Variants in SYN3 observed in about 807,000 individuals in gnomAD.
SYN3 encodes synapsin-3.
In SYN3, 35 loss-of-function variants were observed where a neutral mutation model predicts 65.8. That is an observed-to-expected ratio of 0.53 (90% CI 0.41 to 0.70). SYN3 has a LOEUF of 0.70. SYN3 is among the 30% of genes least tolerant of loss of function. The pLI is 0.00. For missense variants in SYN3, 680 were observed against 749.0 expected (o/e 0.91, Z 1.08); for synonymous variants, 270 against 292.9 (o/e 0.92, Z 0.80).
At chr22:32,878,159 A>G (rs980894325) in intron 4 of SYN3, among the ~76,000 whole-genome samples, 2 of 152,112 alleles carry the variant, frequency 1.3e-5, no homozygotes, top group African/African-American at 4.8e-5. Context: ...TGAACCTCTC[A>G]TCATCACCTC....
intron 6 of SYN3, among the ~76,000 whole-genome samples, chr22:32,855,949 T>G (rs1021897295): frequency 5.9e-5 from 9 of 152,354 alleles, no homozygotes; most frequent in East Asian, 5.8e-4. Flanking sequence ...TACATTTATG[T>G]GCTTCATCTG....
chr22:32,663,309 T>C (rs113058498), intron 6 of SYN3, among the ~76,000 whole-genome samples: 24 of 96,106 alleles, frequency 2.5e-4, no homozygotes, highest in East Asian at 2.2e-3. Context: ...TTTCTTCTCT[T>C]TTTTTTTTTT....
chr22:32,883,545 C>T (rs2049202982), intron 4 of SYN3, among the ~76,000 whole-genome samples: 1 of 152,210 alleles, frequency 6.6e-6, no homozygotes, highest in Non-Finnish European at 1.5e-5. Flanking sequence ...AAAACTAGTT[C>T]TTCCTCCTCT....
intron 6 of SYN3, among the ~76,000 whole-genome samples, chr22:32,691,930 T>A (rs1173505192): frequency 1.3e-5 from 2 of 151,948 alleles, no homozygotes; most frequent in Non-Finnish European, 2.9e-5. Flanking sequence ...TTATTTTCCC[T>A]GGTAGGAAAT....
intron 6 of SYN3, among the ~76,000 whole-genome samples, chr22:32,817,050 T>A (rs2047104589): frequency 1.5e-5 from 2 of 132,928 alleles, no homozygotes; most frequent in African/African-American, 5.9e-5. Context: ...AGATTCCCTG[T>A]CTCTACTAAT....
At chr22:32,908,925 C>T (rs1336208419) in intron 4 of SYN3, among the ~76,000 whole-genome samples, 1 of 152,160 alleles carries the variant, frequency 6.6e-6, no homozygotes, top group African/African-American at 2.4e-5. Flanking sequence ...GCTGTTAGGG[C>T]AGATTATCAT....
At chr22:32,621,757 A>T (rs569671981) in intron 6 of SYN3, among the ~76,000 whole-genome samples, 1 of 152,302 alleles carries the variant, frequency 6.6e-6, no homozygotes, top group South Asian at 2.1e-4. Context: ...CTCCTCTGTT[A>T]AGCGCTGCCT....
intron 6 of SYN3, among the ~76,000 whole-genome samples, chr22:32,642,683 C>T (rs2059920053): frequency 6.6e-6 from 1 of 152,082 alleles, no homozygotes; most frequent in African/African-American, 2.4e-5. Context: ...CCGCCTCGGC[C>T]TCCCAAAGTG....
intron 6 of SYN3, among the ~76,000 whole-genome samples, chr22:32,600,982 C>T (rs907660897): frequency 2.0e-5 from 3 of 152,182 alleles, no homozygotes; most frequent in Admixed American, 6.5e-5. Context: ...CCACCCCTCC[C>T]GGCCACTTAA....
intron 3 of SYN3, among the ~76,000 whole-genome samples, chr22:32,951,689 G>A (rs1207858150): frequency 6.6e-6 from 1 of 152,208 alleles, no homozygotes; most frequent in South Asian, 2.1e-4. Context: ...CCCATACCCA[G>A]GCCAACATGC....
At chr22:33,027,412 C>G (rs1347363724) in intron 1 of SYN3, among the ~76,000 whole-genome samples, 3 of 152,032 alleles carry the variant, frequency 2.0e-5, no homozygotes, top group Admixed American at 2.0e-4. Context: ...GCCTGGCCAA[C>G]ATGGTGAAAC....
intron 6 of SYN3, among the ~76,000 whole-genome samples, chr22:32,739,145 A>G (rs1201942677): frequency 6.6e-6 from 1 of 151,078 alleles, no homozygotes; most frequent in Non-Finnish European, 1.5e-5. Flanking sequence ...GTGTTGTGGA[A>G]GAGACCTGGT....
intron 4 of SYN3, among the ~76,000 whole-genome samples, chr22:32,870,093 A>G (rs902687303): frequency 6.6e-6 from 1 of 152,232 alleles, no homozygotes; most frequent in African/African-American, 2.4e-5. Context: ...GGCTGGGGCA[A>G]TAGGGAGCAC....
chr22:32,582,978 T>G (rs960278253), intron 7 of SYN3, among the ~76,000 whole-genome samples: 5 of 152,192 alleles, frequency 3.3e-5, no homozygotes, highest in African/African-American at 9.6e-5. Flanking sequence ...CAGCATTCAC[T>G]GGCCCATCAC....
chr22:32,516,378 T>G (rs7290998), intron 13 of SYN3, among the ~76,000 whole-genome samples: 5,160 of 150,690 alleles, frequency 0.034, 228 homozygotes, highest in African/African-American at 0.11. Context: ...TTTATTTATT[T>G]ATTGAGATGG....
intron 1 of SYN3, among the ~76,000 whole-genome samples, chr22:33,050,176 T>C (rs12483802): frequency 0.055 from 8,357 of 152,234 alleles, 484 homozygotes; most frequent in East Asian, 0.28. Flanking sequence ...ACCTCCATTT[T>C]CTCAGCTACA....
intron 7 of SYN3, among the ~76,000 whole-genome samples, chr22:32,549,981 C>G (rs2058388837): frequency 6.6e-6 from 1 of 151,874 alleles, no homozygotes; most frequent in South Asian, 2.1e-4. Flanking sequence ...GGGATGGAGG[C>G]TAGTCCTCAC....
intron 6 of SYN3, among the ~76,000 whole-genome samples, chr22:32,759,534 C>T (rs1363818346): frequency 6.6e-6 from 1 of 152,120 alleles, no homozygotes; most frequent in South Asian, 2.1e-4. Context: ...TTTCTTCCAA[C>T]CTTGAGATCT....
chr22:32,957,287 T>C (rs1254682369), intron 3 of SYN3, among the ~76,000 whole-genome samples: 1 of 152,180 alleles, frequency 6.6e-6, no homozygotes. Context: ...AAAGGAGATA[T>C]TTCCTTCCCC....
Sources: allele counts gnomAD v4.1 joint callset (sites outside exome capture counted in the v4.1 genomes callset), GRCh38; gene constraint gnomAD v4.1.1; transcripts MANE v1.5; gene names NCBI Gene and HGNC (gene_info 2026-07-23, HGNC 2026-07-21).